The following LRP1B variants were observed in gnomAD, a reference collection of about 807,000 sequenced individuals.
The protein encoded by LRP1B is low-density lipoprotein receptor-related protein 1B.
In LRP1B, 217 loss-of-function variants were observed where a neutral mutation model predicts 556.6. The ratio of observed to expected loss-of-function variants is 0.39; its 90% CI spans 0.35 to 0.44. LRP1B has a LOEUF of 0.44. Among genes scored for constraint, LRP1B ranks in the 20% least tolerant of loss-of-function variants. The pLI is 1.00. For missense variants in LRP1B, 5,053 were observed against 5,620.8 expected, an observed-to-expected ratio of 0.90 and a Z score of 3.23; for synonymous variants, 2,047 against 1,865.8, an observed-to-expected ratio of 1.10 and a Z score of -2.50.
At chr2:141,168,301 A>G (rs1391743291) in intron 7 of LRP1B, among the ~76,000 whole-genome samples, 2 of 152,090 alleles carry the variant, frequency 1.3e-5, no homozygotes, top group African/African-American at 4.8e-5. Flanking sequence ...GACGTGCATT[A>G]AACAGGACTG....
intron 41 of LRP1B, among the ~76,000 whole-genome samples, chr2:140,637,558 T>C (rs575743541): frequency 1.7e-4 from 26 of 152,194 alleles, no homozygotes; most frequent in Non-Finnish European, 2.8e-4. Flanking sequence ...TGTATGAATT[T>C]TGTTTTAGAG....
chr2:141,705,270 G>A (rs1279150177), intron 2 of LRP1B, among the ~76,000 whole-genome samples: 1 of 151,950 alleles, frequency 6.6e-6, no homozygotes, highest in Admixed American at 6.6e-5. Context: ...TTTTGAGCAA[G>A]TAACCTTATT....
intron 21 of LRP1B, among the ~76,000 whole-genome samples, chr2:140,921,397 C>T (rs1694733343): frequency 6.6e-6 from 1 of 151,842 alleles, no homozygotes; most frequent in East Asian, 1.9e-4. Flanking sequence ...TTAATACAAT[C>T]AGGAAAATGC....
chr2:141,908,184 T>C (rs564409694), intron 1 of LRP1B, among the ~76,000 whole-genome samples: 1 of 152,086 alleles, frequency 6.6e-6, no homozygotes. Flanking sequence ...TTTGATCCCA[T>C]AGCACTTGAT....
At position 141,916,034 on chromosome 2, in the gene LRP1B, T is replaced by C. The variant is rs1394071264; in HGVS notation, c.83-105633A>G. The stretch of plus-strand genomic sequence containing the variant: ...AAATCTTGGATACGTGGCAAGAACT[T>C]AAAACAGAAATACCATTTGATCCAG... On this transcript the variant is annotated intron_variant, in intron 1 of 90. Transcript: ENST00000389484. Among the ~76,000 whole-genome samples, 2 of 152,144 alleles carry C rather than the reference T, an allele frequency of 1.3e-5. 1 individual carries two copies. The highest frequency in any genetic ancestry group is 6.3e-3 in the Middle Eastern group (2 of 316).
chr2:141,522,263 G>A (rs771440897), intron 2 of LRP1B, among the ~76,000 whole-genome samples: 2 of 152,076 alleles, frequency 1.3e-5, no homozygotes, highest in African/African-American at 4.8e-5. Flanking sequence ...TGACTCATTT[G>A]TATCTAGAAA....
intron 1 of LRP1B, among the ~76,000 whole-genome samples, chr2:142,090,634 T>A (rs1238115213): frequency 6.6e-6 from 1 of 152,168 alleles, no homozygotes; most frequent in African/African-American, 2.4e-5. Context: ...GTGAATTATT[T>A]ATATGAATCA....
chr2:140,290,487 G>A (rs1371184377), intron 84 of LRP1B, among the ~76,000 whole-genome samples: 1 of 152,086 alleles, frequency 6.6e-6, no homozygotes, highest in Non-Finnish European at 1.5e-5. Context: ...GCTAGTCTAA[G>A]TGTGAATGTT....
At chr2:142,100,943 G>A (rs1194350286) in intron 1 of LRP1B, among the ~76,000 whole-genome samples, 1 of 151,918 alleles carries the variant, frequency 6.6e-6, no homozygotes, top group African/African-American at 2.4e-5. Flanking sequence ...GGAGGAAGGG[G>A]ACAAGGAAAA....
rs114145759 is a variant in LRP1B at position 140,674,911 on chromosome 2, T to C, written c.6799+25339A>G. ...ACTTAGTGGTTTTATATAACACAAA[T>C]CATCTCACAGTTCAAGAGGTTCAGT... On this transcript the variant is annotated intron_variant, in intron 41 of 90. Coordinates refer to ENST00000389484, the MANE Select transcript of LRP1B (RefSeq NM_018557.3). Among the ~76,000 whole-genome samples, 354 of 152,324 alleles carry C rather than the reference T, an allele frequency of 2.3e-3. 4 individuals carry two copies. Among genetic ancestry groups the C allele is most frequent in the African/African-American group, 7.4e-3 (309 of 41,578 alleles).
intron 20 of LRP1B, among the ~76,000 whole-genome samples, chr2:140,943,111 C>G (rs552316729): frequency 6.6e-6 from 1 of 151,804 alleles, no homozygotes; most frequent in South Asian, 2.1e-4. Context: ...AAATGGAAAA[C>G]GAAAAACAGC....
At chr2:141,551,280 T>A (rs902878032) in intron 2 of LRP1B, among the ~76,000 whole-genome samples, 13 of 152,148 alleles carry the variant, frequency 8.5e-5, no homozygotes, top group Middle Eastern at 3.4e-3. Flanking sequence ...CTTTTTAGTT[T>A]GTTTGCTTTT....
intron 3 of LRP1B, among the ~76,000 whole-genome samples, chr2:141,477,517 A>C (rs527397442): frequency 1.3e-5 from 2 of 152,278 alleles, no homozygotes; most frequent in Non-Finnish European, 2.9e-5. Flanking sequence ...CCTACAATGT[A>C]CCTTTGCTTA....
chr2:140,378,431 T>C, intron 67 of LRP1B, 145 bp from the exon 68 acceptor site: 2 of 563,598 alleles, frequency 3.5e-6, no homozygotes, highest in Admixed American at 3.4e-5. Context: ...AAAAATCTCA[T>C]GAAGCATCTA....
Position 140,302,735 on chromosome 2 carries a change from A to AC in LRP1B, c.12806-4767dup, listed in dbSNP as rs566802999. ...GGTGAATTCTCTTTCTTGATCTGGG[A>AC]CATCCATCTTCTCCTGGCTGAGGAC... is the stretch of plus-strand genomic sequence containing the variant. On this transcript the variant is annotated intron_variant, in intron 83 of 90. Coordinates refer to ENST00000389484, the MANE Select transcript of LRP1B (RefSeq NM_018557.3). 3.1e-3 allele frequency among the ~76,000 whole-genome samples: 476 copies of AC among 152,136 alleles called. 1 individual carries two copies. The highest frequency in any genetic ancestry group is 0.011 in the African/African-American group (466 of 41,516).
chr2:141,430,172 G>C (rs1680512480), intron 3 of LRP1B, among the ~76,000 whole-genome samples: 1 of 138,838 alleles, frequency 7.2e-6, no homozygotes, highest in Admixed American at 7.5e-5. Context: ...TGTCTGAGCA[G>C]TGTCTATTAC....
In LRP1B at chr2:141,096,627, G is replaced by GGAGA. The variant is rs1248853528; in HGVS notation, c.1014-34355_1014-34354insTCTC. 1.1e-3 allele frequency among the ~76,000 whole-genome samples: 54 copies of GGAGA among 50,544 alleles called. 3 individuals are homozygous for GGAGA. Among genetic ancestry groups the GGAGA allele is most frequent in the Middle Eastern group, 0.014 (1 of 72 alleles). The allele number at this position is 50,544 out of a possible 152,430, so 33.2% of individuals were successfully genotyped here. A position where few individuals can be genotyped will look rare whatever the true frequency, so the allele number is the denominator to read the frequency against. Reference sequence around the variant, plus strand: ...GCCTGAATGACAAAGACGGGGAGAGGGGGAGAGAGAGAGAGAGAGAGAGAG... The same window carrying GGAGA: ...GCCTGAATGACAAAGACGGGGAGAGGGAGAGGGAGAGAGAGAGAGAGAGAGAGAG... On this transcript the variant is annotated intron_variant, in intron 7 of 90. Coordinates refer to ENST00000389484, the MANE Select transcript of LRP1B (RefSeq NM_018557.3).
At chr2:140,938,708 G>A (rs1056440800) in intron 20 of LRP1B, among the ~76,000 whole-genome samples, 1 of 151,986 alleles carries the variant, frequency 6.6e-6, no homozygotes, top group Admixed American at 6.6e-5. Flanking sequence ...CTTACTGTGA[G>A]GATTAAATGA....
intron 85 of LRP1B, among the ~76,000 whole-genome samples, chr2:140,273,781 C>G (rs551236921): frequency 1.3e-5 from 2 of 151,928 alleles, no homozygotes; most frequent in African/African-American, 4.8e-5. Context: ...ACTGGTTTCA[C>G]GATAGAAACT....
Sources: gnomAD v4.1 joint callset for allele counts (sites outside exome capture counted in the v4.1 genomes callset) on GRCh38, gnomAD v4.1.1 for gene constraint, MANE v1.5 for transcripts, NCBI Gene and HGNC (gene_info 2026-07-23, HGNC 2026-07-21) for gene names.